The following CDH13 variants were observed in gnomAD, a reference collection of about 807,000 sequenced individuals.
CDH13 encodes cadherin 13.
Under a neutral mutation model 63.8 loss-of-function variants are expected in CDH13, and 24 were observed. The ratio of observed to expected loss-of-function variants is 0.38; its 90% CI spans 0.27 to 0.53. The LOEUF is 0.53. Ranked by LOEUF, CDH13 falls within the 20% of genes least tolerant of loss-of-function variation. CDH13 has a pLI of 0.85. For synonymous variants in CDH13, 503 were observed against 355.3 expected (o/e 1.42, Z -4.67); for missense variants, 1,049 against 903.1 (o/e 1.16, Z -2.07).
chr16:82,711,185 T>C (rs2031914301), intron 1 of CDH13, among the ~76,000 whole-genome samples: 1 of 152,166 alleles, frequency 6.6e-6, no homozygotes, highest in South Asian at 2.1e-4. Flanking sequence ...GAGGTTCTAA[T>C]AATGACTATG....
chr16:83,691,495 T>A (rs985271880), intron 10 of CDH13, among the ~76,000 whole-genome samples: 1 of 152,024 alleles, frequency 6.6e-6, no homozygotes, highest in Non-Finnish European at 1.5e-5. Flanking sequence ...AGGCACTGCT[T>A]CCTGAGAATC....
chr16:83,719,920 G>C (rs531686235), intron 10 of CDH13, among the ~76,000 whole-genome samples: 1 of 152,276 alleles, frequency 6.6e-6, no homozygotes, highest in Non-Finnish European at 1.5e-5. Flanking sequence ...GGGGACAGTG[G>C]GGTCAGACTC....
At chr16:82,755,735 G>T (rs1003613428) in intron 1 of CDH13, among the ~76,000 whole-genome samples, 2 of 152,304 alleles carry the variant, frequency 1.3e-5, no homozygotes, top group East Asian at 3.9e-4. Context: ...ACCAAAACAA[G>T]AACTAAACTA....
rs143652417 is a variant in CDH13 at position 83,298,404 on chromosome 16, G to A, written c.637-46458G>A. On this transcript the variant is annotated intron_variant, in intron 5 of 13. Coordinates refer to ENST00000567109, the MANE Select transcript of CDH13 (RefSeq NM_001257.5). The stretch of plus-strand genomic sequence containing the variant: ...TGAAAGCAGTATTTCTCCCTGTGTA[G>A]CCCTTAGACAATAGGCATCAAAATT... Among the ~76,000 whole-genome samples the A allele has an allele frequency of 6.0e-3, 911 of 152,252 alleles. 4 individuals carry two copies. The highest frequency in any genetic ancestry group is 0.017 in the Middle Eastern group (5 of 294).
intron 1 of CDH13, among the ~76,000 whole-genome samples, chr16:82,656,686 T>C (rs1266185252): frequency 1.3e-5 from 2 of 152,166 alleles, no homozygotes; most frequent in Non-Finnish European, 2.9e-5. Flanking sequence ...CATTATGATA[T>C]CACACAGAAT....
intron 8 of CDH13, among the ~76,000 whole-genome samples, chr16:83,643,283 T>TAAAAAAAAAAAAAAAA (rs1195185794): frequency 1.1e-5 from 1 of 93,834 alleles, no homozygotes; most frequent in African/African-American, 4.2e-5. Flanking sequence ...TAGAGTATAA[T>TAAAAAAAAAAAAAAAA]AAAAAAAAAA....
chr16:82,684,785 A>G (rs1914894904), intron 1 of CDH13, among the ~76,000 whole-genome samples: 1 of 152,226 alleles, frequency 6.6e-6, no homozygotes, highest in South Asian at 2.1e-4. Flanking sequence ...CATGACTTGC[A>G]GGCATAGCCT....
At chr16:83,697,735 C>T (rs897069218) in intron 10 of CDH13, among the ~76,000 whole-genome samples, 1 of 152,198 alleles carries the variant, frequency 6.6e-6, no homozygotes, top group Admixed American at 6.5e-5. Context: ...TCAACCTCCA[C>T]CTCCCACGTT....
intron 1 of CDH13, among the ~76,000 whole-genome samples, chr16:82,714,467 A>G (rs1341182959): frequency 1.3e-5 from 2 of 152,014 alleles, no homozygotes; most frequent in African/African-American, 2.4e-5. Flanking sequence ...TAATCTCAGC[A>G]CTTTGAGAGG....
intron 5 of CDH13, among the ~76,000 whole-genome samples, chr16:83,294,697 G>T (rs1597685139): frequency 6.6e-6 from 1 of 151,790 alleles, no homozygotes; most frequent in Non-Finnish European, 1.5e-5. Context: ...TCTTTACACT[G>T]AAAACTATAA....
chr16:82,708,920 T>C, intron 1 of CDH13, among the ~76,000 whole-genome samples: 1 of 152,204 alleles, frequency 6.6e-6, no homozygotes, highest in Admixed American at 6.5e-5. Context: ...TGTTTCTCAG[T>C]CTTTTATACA....
intron 2 of CDH13, among the ~76,000 whole-genome samples, chr16:82,931,064 A>G (rs1483121834): frequency 1.3e-5 from 2 of 152,224 alleles, no homozygotes; most frequent in South Asian, 2.1e-4. Flanking sequence ...AGTAGGCACC[A>G]TATCTTCTTT....
At chr16:82,703,016 G>C (rs572271063) in intron 1 of CDH13, among the ~76,000 whole-genome samples, 3 of 152,302 alleles carry the variant, frequency 2.0e-5, no homozygotes, top group East Asian at 1.9e-4. Flanking sequence ...CACACAGCCA[G>C]TGAGTGCTCT....
intron 1 of CDH13, among the ~76,000 whole-genome samples, chr16:82,733,162 C>T (rs1306805636): frequency 6.6e-6 from 1 of 152,160 alleles, no homozygotes; most frequent in Non-Finnish European, 1.5e-5. Context: ...GTTTGCATCT[C>T]AACAATGTGT....
Position 83,264,724 on chromosome 16 carries a change from A to G in CDH13, c.636+47227A>G, listed in dbSNP as rs558539142. Among the ~76,000 whole-genome samples the G allele has an allele frequency of 7.9e-5, 12 of 151,150 alleles. No individual in the cohort carries two copies. In the South Asian group the frequency reaches 2.3e-3, roughly 29 times the overall value. On this transcript the variant is annotated intron_variant, in intron 5 of 13. Transcript: ENST00000567109. ...CCCTAATTTCTAATTCCTAGAGACA[A>G]CACCCCTCTAAACTCCTTTGGCTGG...
intron 8 of CDH13, among the ~76,000 whole-genome samples, chr16:83,662,268 C>G (rs1913506924): frequency 6.6e-6 from 1 of 152,178 alleles, no homozygotes; most frequent in African/African-American, 2.4e-5. Flanking sequence ...TGGGAAGACT[C>G]TGGATGTTTA....
chr16:82,807,735 C>G (rs2037220832), intron 1 of CDH13, among the ~76,000 whole-genome samples: 1 of 152,092 alleles, frequency 6.6e-6, no homozygotes, highest in South Asian at 2.1e-4. Flanking sequence ...GCAGTTAATT[C>G]CCAAATCCAG....
intron 5 of CDH13, among the ~76,000 whole-genome samples, chr16:83,297,722 G>A (rs9932349): frequency 0.41 from 62,677 of 151,896 alleles, 12,972 homozygotes; most frequent in Admixed American, 0.44. Context: ...ATGTGAACAT[G>A]CCTGGCACAT....
chr16:82,804,184 C>CTGCAGCCTGGTGACAGAGTGAGCTGA (rs372897266), intron 1 of CDH13, among the ~76,000 whole-genome samples: 1 of 150,948 alleles, frequency 6.6e-6, no homozygotes, highest in South Asian at 2.1e-4. Context: ...GCTGAGATCA[C>CTGCAGCCTGGTGACAGAGTGAGCTGA]GCTACTGCAC....
Sources: allele counts gnomAD v4.1 joint callset (sites outside exome capture counted in the v4.1 genomes callset), GRCh38; gene constraint gnomAD v4.1.1; transcripts MANE v1.5; gene names NCBI Gene and HGNC (gene_info 2026-07-23, HGNC 2026-07-21).